The following CRYBG1 variants were observed in gnomAD, a reference collection of about 807,000 sequenced individuals.
CRYBG1 encodes beta/gamma crystallin domain-containing protein 1.
A neutral mutation model predicts 189.2 loss-of-function variants in CRYBG1; 139 were observed. The ratio of observed to expected loss-of-function variants is 0.73; its 90% CI spans 0.64 to 0.85. CRYBG1 has a LOEUF of 0.85. CRYBG1 is among the 40% of genes least tolerant of loss of function. The probability of loss-of-function intolerance (pLI) is 0.00; values close to 1 mark genes in which losing one functional copy is unlikely to be tolerated. For missense variants in CRYBG1, 2,611 were observed against 2,675.8 expected (o/e 0.98, Z 0.53); for synonymous variants, 1,023 against 1,017.1 (o/e 1.01, Z -0.11).
At chr6:106,550,035 G>A (rs1206346376) in intron 13 of CRYBG1, among the ~76,000 whole-genome samples, 2 of 152,184 alleles carry the variant, frequency 1.3e-5, no homozygotes, top group Non-Finnish European at 2.9e-5. Context: ...CTGGCCAATA[G>A]TCGATTGTGT....
At chr6:106,529,950 T>C (rs1436991122) in intron 7 of CRYBG1, among the ~76,000 whole-genome samples, 3 of 152,232 alleles carry the variant, frequency 2.0e-5, no homozygotes, top group Non-Finnish European at 4.4e-5. Context: ...TTTGCTTGAA[T>C]GCAACACTGA....
At chr6:106,370,016 T>C (rs1021813235) in intron 1 of CRYBG1, among the ~76,000 whole-genome samples, 1 of 152,228 alleles carries the variant, frequency 6.6e-6, no homozygotes, top group African/African-American at 2.4e-5. Flanking sequence ...TTTCTTTATA[T>C]TCTTATATGA....
chr6:106,555,405 TTAAC>T lies in CRYBG1; in HGVS notation c.5586-360_5586-357del, dbSNP rs370499123. Among the ~76,000 whole-genome samples the T allele has an allele frequency of 3.0e-3, 458 of 152,088 alleles. 3 individuals carry two copies. Among genetic ancestry groups the T allele is most frequent in the African/African-American group, 0.011 (446 of 41,496 alleles). On this transcript the variant is annotated intron_variant, in intron 16 of 21. Transcript: ENST00000633556. ...AGACCAAATCAATAGGCCTTGGTGA[TTAAC>T]TAGTCACAAAGCTTGAAGAAGGATT...
In CRYBG1 at chr6:106,520,641, G is replaced by A. The variant is rs765446944; in HGVS notation, c.3433G>A (p.Glu1145Lys). 2.0e-5 allele frequency: 32 copies of A among 1,614,026 alleles called. No individual in the cohort carries two copies. The highest frequency in any genetic ancestry group is 4.5e-5 in the East Asian group (2 of 44,902). ...TCACTTTGCCATGCCTCCTATTCAC[G>A]AAGACCATTTAGAAAAGGTGTTTGA... ...APHFAMPPIH[E>K]DHLEKVFDPK... Residue 1145 changes from glutamate (E) to lysine (K), a missense_variant, in exon 4 of 22, where the codon GAA (glutamate) becomes AAA (lysine). Physicochemically the swap from Glu to Lys is moderately conservative, Grantham distance 56. Around this residue, in one of 3 missense-constraint regions of CRYBG1, gnomAD observed 1,622 missense variants for 1,735.0 expected, o/e 0.93. Transcript: ENST00000633556.
intron 1 of CRYBG1, among the ~76,000 whole-genome samples, chr6:106,379,834 C>A (rs1295240906): frequency 6.6e-6 from 1 of 152,196 alleles, no homozygotes; most frequent in Non-Finnish European, 1.5e-5. Flanking sequence ...CCTGCCTTGG[C>A]CTCCCAACAT....
chr6:106,519,579 A>T lies in CRYBG1; in HGVS notation c.2371A>T (p.Thr791Ser). ...CCAAGATGATAAAGCAGATGTACAA[A>T]CAGATGCTGGCTGCCTTTCAGAACC... ...PNQDDKADVQ[T>S]DAGCLSEPVA... Residue 791 changes from threonine (T) to serine (S), a missense_variant, in exon 4 of 22, where the codon ACA (threonine) becomes TCA (serine). Thr to Ser is a moderately conservative substitution (Grantham distance 58). Coordinates refer to ENST00000633556, the MANE Select transcript of CRYBG1 (RefSeq NM_001371242.2). The T allele has an allele frequency of 1.2e-6, 2 of 1,614,214 alleles. No individual in the cohort carries two copies. Among genetic ancestry groups the T allele is most frequent in the South Asian group, 2.2e-5 (2 of 91,082 alleles).
chr6:106,449,934 A>G (rs1444287508), intron 1 of CRYBG1, among the ~76,000 whole-genome samples: 2 of 152,226 alleles, frequency 1.3e-5, no homozygotes, highest in Non-Finnish European at 2.9e-5. Context: ...TTAAAAAAGT[A>G]TGTACAGGGG....
At chr6:106,556,535 C>T (rs1774550136) in intron 17 of CRYBG1, among the ~76,000 whole-genome samples, 1 of 152,160 alleles carries the variant, frequency 6.6e-6, no homozygotes, top group Non-Finnish European at 1.5e-5. Context: ...CAGTTTGCCA[C>T]TATGTGCTAA....
chr6:106,473,552 C>G (rs947268982), intron 2 of CRYBG1, among the ~76,000 whole-genome samples: 4 of 152,136 alleles, frequency 2.6e-5, no homozygotes, highest in Non-Finnish European at 5.9e-5. Flanking sequence ...GGACACAACA[C>G]AGTGAATCAA....
In CRYBG1 at chr6:106,520,960, C is replaced by T; in HGVS notation, c.3752C>T (p.Pro1251Leu). 3 of 1,614,108 alleles carry T rather than the reference C, an allele frequency of 1.9e-6. No individual in the cohort carries two copies. Among genetic ancestry groups the T allele is most frequent in the Non-Finnish European group, 2.5e-6 (3 of 1,180,014 alleles). Residue 1251 changes from proline to leucine, a missense_variant, in exon 4 of 22, where the codon CCA becomes CTA. Physicochemically the swap from Pro to Leu is moderately conservative, Grantham distance 98. Around this residue, in one of 3 missense-constraint regions of CRYBG1, gnomAD observed 1,622 missense variants for 1,735.0 expected, o/e 0.93. Transcript: ENST00000633556. ...TTCTCAAGCTTGTTATCTTCTTTAC[C>T]ACAAGACAAAATCTTTTCTCCTTCT... ...ALFSSLLSSL[P>L]QDKIFSPSVT...
At chr6:106,437,990 C>T (rs1452473229) in intron 1 of CRYBG1, among the ~76,000 whole-genome samples, 1 of 152,156 alleles carries the variant, frequency 6.6e-6, no homozygotes, top group Non-Finnish European at 1.5e-5. Flanking sequence ...TTTCTTAGTT[C>T]CTGAGACAGC....
intron 2 of CRYBG1, among the ~76,000 whole-genome samples, chr6:106,466,248 AT>A (rs1159087435): frequency 1.3e-5 from 2 of 152,234 alleles, no homozygotes; most frequent in Admixed American, 6.5e-5. Flanking sequence ...ATAAATAGTA[AT>A]GAAGGAATTA....
intron 1 of CRYBG1, among the ~76,000 whole-genome samples, chr6:106,401,390 CT>C (rs67766893): frequency 0.42 from 58,737 of 140,010 alleles, 11,954 homozygotes; most frequent in South Asian, 0.57. Flanking sequence ...CTGAATGATT[CT>C]TTTTTTTTTT....
intron 6 of CRYBG1, among the ~76,000 whole-genome samples, chr6:106,526,786 CA>C (rs1486212936): frequency 2.6e-5 from 4 of 151,690 alleles, no homozygotes; most frequent in Admixed American, 2.0e-4. Context: ...ACTAAAAATA[CA>C]AAAATCAGCC....
chr6:106,373,025 C>T (rs1013509474), intron 1 of CRYBG1, among the ~76,000 whole-genome samples: 7 of 152,082 alleles, frequency 4.6e-5, no homozygotes, highest in Admixed American at 4.6e-4. Flanking sequence ...TGTGTGTGTA[C>T]AGGGGAGGTA....
At chr6:106,474,098 A>G (rs1170195764) in intron 2 of CRYBG1, among the ~76,000 whole-genome samples, 1 of 152,232 alleles carries the variant, frequency 6.6e-6, no homozygotes, top group Non-Finnish European at 1.5e-5. Flanking sequence ...TACACAATGT[A>G]TCTGTAGTCC....
At chr6:106,532,247 A>G (rs945113263) in intron 8 of CRYBG1, among the ~76,000 whole-genome samples, 1 of 152,218 alleles carries the variant, frequency 6.6e-6, no homozygotes, top group African/African-American at 2.4e-5. Flanking sequence ...ACTGTGGAAT[A>G]GAACACCAGA....
intron 1 of CRYBG1, among the ~76,000 whole-genome samples, chr6:106,447,190 A>C (rs9398086): frequency 0.064 from 9,769 of 152,292 alleles, 444 homozygotes; most frequent in East Asian, 0.16. Flanking sequence ...ATTGTCGTTA[A>C]TAAATGACCA....
chr6:106,544,686 C>T lies in CRYBG1; in HGVS notation c.5155C>T (p.Pro1719Ser), dbSNP rs1774221686. 1 of 1,613,894 alleles carries T rather than the reference C, an allele frequency of 6.2e-7. No homozygotes were observed. The highest frequency in any genetic ancestry group is 1.1e-5 in the South Asian group (1 of 91,046). ...GYNGELQSLR[P>S]ILGDFSNAHM... ...CAATGGAGAGCTTCAGTCTTTACGA[C>T]CTATATTAGGTGTAAGTAAAGGACA... Residue 1719 changes from proline to serine, a missense_variant, in exon 12 of 22, where the codon CCT becomes TCT. Transcript: ENST00000633556.
Sources: gnomAD v4.1 joint callset for allele counts (sites outside exome capture counted in the v4.1 genomes callset) on GRCh38, gnomAD v4.1.1 for gene constraint, gnomAD v4.1.1 regional missense constraint, MANE v1.5 for transcripts, NCBI Gene and HGNC (gene_info 2026-07-23, HGNC 2026-07-21) for gene names.